The following NPC2 variants were observed in gnomAD, a reference collection of about 807,000 sequenced individuals.
NPC2 encodes NPC intracellular cholesterol transporter 2, also known as Niemann-Pick disease type C2 protein.
NPC2 carries 14 observed loss-of-function variants against 17.0 expected under a neutral mutation model. The ratio of observed to expected loss-of-function variants is 0.82; its 90% CI spans 0.54 to 1.29. NPC2 has a LOEUF of 1.29. Among genes scored for constraint, NPC2 ranks in the 50% most tolerant of loss-of-function variants. The pLI is 0.00. For synonymous variants in NPC2, 75 were observed against 69.3 expected (o/e 1.08, Z -0.41); for missense variants, 167 against 183.4 (o/e 0.91, Z 0.52).
chr14:74,492,499 A>T (rs2086786566), intron 1 of NPC2, among the ~76,000 whole-genome samples: 1 of 152,124 alleles, frequency 6.6e-6, no homozygotes, highest in Non-Finnish European at 1.5e-5. Context: ...CTATCTCTCT[A>T]TCTCCACCTC....
At chr14:74,483,566 T>C (rs547801626) in intron 3 of NPC2, 802 of 1,367,206 alleles carry the variant, frequency 5.9e-4, no homozygotes, top group Non-Finnish European at 7.0e-4. Context: ...TATTGCCTAA[T>C]TGGAAAGTGC....
Position 74,480,694 on chromosome 14 carries a change from A to G in NPC2, c.441+8T>C. The G allele has an allele frequency of 1.2e-6, 2 of 1,611,510 alleles. No homozygotes were observed. Among genetic ancestry groups the G allele is most frequent in the Non-Finnish European group, 1.7e-6 (2 of 1,177,642 alleles). On this transcript the variant is annotated splice_region_variant and intron_variant, in intron 4 of 4. Coordinates refer to ENST00000555619, the MANE Select transcript of NPC2 (RefSeq NM_006432.5). ...CACCCATGCCCTCTCACCCCCAGAT[A>G]GACTTACGATCTGTACTGGGATTTC...
In NPC2 at chr14:74,482,942, G is replaced by A. The variant is rs556830611; in HGVS notation, c.363+1473C>T. 6.3e-5 allele frequency: 34 copies of A among 535,546 alleles called. No homozygotes were observed. The African/African-American group carries it at 6.5e-4, about 10-fold the overall frequency. 33.2% of individuals were successfully genotyped at this position (535,546 alleles called of 1,614,324 possible). A position where few individuals can be genotyped will look rare whatever the true frequency, so the allele number is the denominator to read the frequency against. ...AGGAGGTGGAGGAGGTGCCAGACTG[G>A]GGGAATCATCAGTATTTAAACAGAC... On this transcript the variant is annotated intron_variant, in intron 3 of 4. Coordinates refer to ENST00000555619, the MANE Select transcript of NPC2 (RefSeq NM_006432.5).
intron 1 of NPC2, among the ~76,000 whole-genome samples, chr14:74,487,263 GGTTT>G (rs1339572316): frequency 3.0e-5 from 4 of 134,950 alleles, no homozygotes; most frequent in African/African-American, 8.6e-5. Context: ...TTGTTTTTGT[GGTTT>G]TTTTTTGTTT....
intron 1 of NPC2, among the ~76,000 whole-genome samples, chr14:74,490,873 C>A (rs2086764273): frequency 6.6e-6 from 1 of 152,188 alleles, no homozygotes; most frequent in African/African-American, 2.4e-5. Context: ...AAAGCTTCTT[C>A]CCATAGGTGT....
At chr14:74,485,110 C>T (rs952106921) in intron 2 of NPC2, among the ~76,000 whole-genome samples, 11 of 151,718 alleles carry the variant, frequency 7.3e-5, no homozygotes, top group Non-Finnish European at 1.3e-4. Context: ...GCCTGGCCAA[C>T]ATGGAAAAAC....
chr14:74,488,176 TTC>T (rs1368740020), intron 1 of NPC2, among the ~76,000 whole-genome samples: 1 of 152,170 alleles, frequency 6.6e-6, no homozygotes, highest in African/African-American at 2.4e-5. Flanking sequence ...CTCACCATGA[TTC>T]TCTTTCTATC....
At chr14:74,483,418 T>C in intron 3 of NPC2, 1 of 1,506,108 alleles carries the variant, frequency 6.6e-7, no homozygotes, top group Non-Finnish European at 9.2e-7. Context: ...TCAATGTTAA[T>C]GAAATATTTT....
chr14:74,481,343 G>C (rs893352872), intron 3 of NPC2, among the ~76,000 whole-genome samples: 1 of 152,340 alleles, frequency 6.6e-6, no homozygotes, highest in Admixed American at 6.5e-5. Context: ...CTAACAGTAA[G>C]CTTCCTGAAG....
intron 1 of NPC2, among the ~76,000 whole-genome samples, chr14:74,492,023 A>G (rs2086779008): frequency 6.6e-6 from 1 of 152,160 alleles, no homozygotes; most frequent in Non-Finnish European, 1.5e-5. Context: ...AGTGCTTGAG[A>G]TATTTTGCAG....
rs201020169 is a variant in NPC2 at position 74,488,136 on chromosome 14, G to A, written c.83-1700C>T. ...GTCTGTCTCAAACTCAACTTTTCAG[G>A]TTTCTTAATTCAGCATCGCCTCTTT... is the stretch of plus-strand genomic sequence containing the variant. On this transcript the variant is annotated intron_variant, in intron 1 of 4. Coordinates refer to ENST00000555619, the MANE Select transcript of NPC2 (RefSeq NM_006432.5). Among the ~76,000 whole-genome samples the A allele has an allele frequency of 2.2e-4, 33 of 152,302 alleles. No homozygotes were observed. The East Asian group carries it at 5.4e-3, about 25-fold the overall frequency.
intron 1 of NPC2, among the ~76,000 whole-genome samples, chr14:74,491,594 G>A (rs1015832884): frequency 6.6e-6 from 1 of 152,104 alleles, no homozygotes; most frequent in Non-Finnish European, 1.5e-5. Flanking sequence ...TTATGACATA[G>A]GGGAAAAAGA....
chr14:74,488,454 G>A (rs2086736075), intron 1 of NPC2, among the ~76,000 whole-genome samples: 2 of 152,198 alleles, frequency 1.3e-5, no homozygotes, highest in Admixed American at 1.3e-4. Flanking sequence ...GGTGGCTCAT[G>A]CCTATAATCC....
chr14:74,490,250 CTGTACCTACCCTTGGG>C (rs1466521663), intron 1 of NPC2, among the ~76,000 whole-genome samples: 2 of 152,172 alleles, frequency 1.3e-5, no homozygotes, highest in Non-Finnish European at 2.9e-5. Context: ...TCTTTGCTGC[CTGTACCTACCCTTGGG>C]TGGAACAGTC....
intron 1 of NPC2, among the ~76,000 whole-genome samples, chr14:74,490,541 C>T (rs558683301): frequency 2.0e-5 from 3 of 152,336 alleles, no homozygotes; most frequent in South Asian, 2.1e-4. Context: ...CCAGCTTCCA[C>T]CTGCTTCTTT....
chr14:74,480,422 T>C, intron 4 of NPC2, 134 bp from the exon 5 acceptor site: 5 of 843,810 alleles, frequency 5.9e-6, no homozygotes, highest in South Asian at 1.3e-5. Context: ...GGACCTTCCT[T>C]ACTCCGACAG....
intron 1 of NPC2, among the ~76,000 whole-genome samples, chr14:74,492,691 T>G (rs918193482): frequency 3.3e-5 from 5 of 152,270 alleles, no homozygotes; most frequent in African/African-American, 1.2e-4. Flanking sequence ...GAAAAACTGA[T>G]TAAGAATCAC....
chr14:74,483,604 T>C (rs1197206186), intron 3 of NPC2, among the ~76,000 whole-genome samples: 6 of 152,186 alleles, frequency 3.9e-5, no homozygotes, highest in Admixed American at 1.3e-4. Context: ...AAAAATAAAT[T>C]TGAAGAGGCT....
intron 1 of NPC2, among the ~76,000 whole-genome samples, chr14:74,487,274 G>GTTTTTTTTTTTTTTTTT (rs59427038): frequency 7.6e-6 from 1 of 132,084 alleles, no homozygotes; most frequent in Non-Finnish European, 1.6e-5. Flanking sequence ...GTTTTTTTTT[G>GTTTTTTTTTTTTTTTTT]TTTTTTTTTT....
Sources: allele counts gnomAD v4.1 joint callset (sites outside exome capture counted in the v4.1 genomes callset), GRCh38; gene constraint gnomAD v4.1.1; transcripts MANE v1.5; gene names NCBI Gene and HGNC (gene_info 2026-07-23, HGNC 2026-07-21).